HIPK2: variants seen among roughly 807,000 people sequenced by gnomAD.
HIPK2 encodes the protein homeodomain-interacting protein kinase 2.
In HIPK2, 27 loss-of-function variants were observed where a neutral mutation model predicts 113.7. The observed-to-expected ratio is 0.24, with a 90% confidence interval of 0.17 to 0.33. The LOEUF (loss-of-function observed/expected upper bound fraction) is 0.33, where lower values mean the gene tolerates loss of function less well. Among genes scored for constraint, HIPK2 ranks in the 10% least tolerant of loss-of-function variants. The pLI is 1.00. For synonymous variants in HIPK2, 631 were observed against 642.2 expected (o/e 0.98, Z 0.26); for missense variants, 1,257 against 1,588.0 (o/e 0.79, Z 3.54).
chr7:139,744,533 G>GAGCT (rs1796158889), intron 1 of HIPK2, among the ~76,000 whole-genome samples: 1 of 152,196 alleles, frequency 6.6e-6, no homozygotes, highest in South Asian at 2.1e-4. Flanking sequence ...AAAAGCTGAT[G>GAGCT]AGCTGTACAC....
Position 139,568,106 on chromosome 7 carries a change from A to G in HIPK2, c.*4821T>C, listed in dbSNP as rs188097975. On this transcript the variant is annotated 3_prime_UTR_variant, in exon 15 of 15. Transcript: ENST00000406875. ...TGTTTGCCATTCCCAAGGTCCAACC[A>G]AGGGAAATCGTTCTGTCAGCAGTTG... The G allele has an allele frequency of 2.0e-5, 3 of 152,498 alleles. No homozygotes were observed. The highest frequency in any genetic ancestry group is 2.0e-4 in the Admixed American group (3 of 15,308). 9.4% of individuals were successfully genotyped at this position (152,498 alleles called of 1,614,324 possible).
intron 1 of HIPK2, among the ~76,000 whole-genome samples, chr7:139,762,312 T>A (rs915271899): frequency 2.0e-5 from 3 of 152,022 alleles, no homozygotes; most frequent in Non-Finnish European, 2.9e-5. Flanking sequence ...AGAGATGAGG[T>A]GATGGTTTGA....
intron 9 of HIPK2, among the ~76,000 whole-genome samples, chr7:139,606,959 A>T (rs1005950062): frequency 5.3e-5 from 8 of 152,244 alleles, no homozygotes; most frequent in African/African-American, 1.9e-4. Context: ...TGGGAATCAG[A>T]AGAAAATTTT....
intron 2 of HIPK2, among the ~76,000 whole-genome samples, chr7:139,676,200 A>G (rs564184173): frequency 6.6e-6 from 1 of 152,278 alleles, no homozygotes; most frequent in East Asian, 1.9e-4. Flanking sequence ...GCATCTACTC[A>G]TCTCTGCTGA....
intron 1 of HIPK2, among the ~76,000 whole-genome samples, chr7:139,766,229 T>C (rs992032905): frequency 6.6e-6 from 1 of 152,242 alleles, no homozygotes; most frequent in Non-Finnish European, 1.5e-5. Flanking sequence ...ACTACAGGGA[T>C]TCAATGAATT....
chr7:139,710,727 T>C (rs1795037786), intron 2 of HIPK2, among the ~76,000 whole-genome samples: 1 of 152,242 alleles, frequency 6.6e-6, no homozygotes, highest in Non-Finnish European at 1.5e-5. Context: ...CCAAATCTCA[T>C]GTTGAATTGT....
Position 139,563,162 on chromosome 7 carries a change from T to G in HIPK2, c.*9765A>C, listed in dbSNP as rs1797996353. On this transcript the variant is annotated 3_prime_UTR_variant, in exon 15 of 15. Transcript: ENST00000406875. Reference sequence around the variant, plus strand: ...GGGGTGTGCTCTCTGTTCCATTTGTTAGTTACAGGAAGCTACCAAGGATGC... The same window carrying G: ...GGGGTGTGCTCTCTGTTCCATTTGTGAGTTACAGGAAGCTACCAAGGATGC... 1 of 152,342 alleles carries G rather than the reference T, an allele frequency of 6.6e-6. No homozygotes were observed. The highest frequency in any genetic ancestry group is 2.4e-5 in the African/African-American group (1 of 41,428). 9.4% of individuals were successfully genotyped at this position (152,342 alleles called of 1,614,324 possible).
chr7:139,682,843 A>G (rs1794090038), intron 2 of HIPK2, among the ~76,000 whole-genome samples: 1 of 152,212 alleles, frequency 6.6e-6, no homozygotes, highest in African/African-American at 2.4e-5. Context: ...CTAGCTGCTC[A>G]TGAGCTGTGT....
At chr7:139,727,933 T>C (rs933915454) in intron 1 of HIPK2, among the ~76,000 whole-genome samples, 5 of 132,178 alleles carry the variant, frequency 3.8e-5, no homozygotes, top group African/African-American at 1.2e-4. Flanking sequence ...TGGCATTGGC[T>C]AATTTTTTTT....
chr7:139,627,827 G>A (rs1800484066), intron 5 of HIPK2, among the ~76,000 whole-genome samples: 1 of 152,188 alleles, frequency 6.6e-6, no homozygotes, highest in East Asian at 1.9e-4. Flanking sequence ...TTTCTCTGGG[G>A]CACAAAGGTG....
At position 139,565,894 on chromosome 7, in the gene HIPK2, T is replaced by C. The variant is rs1410779420; in HGVS notation, c.*7033A>G. 1 of 152,008 alleles carries C rather than the reference T, an allele frequency of 6.6e-6. No individual in the cohort carries two copies. Among genetic ancestry groups the C allele is most frequent in the South Asian group, 2.1e-4 (1 of 4,828 alleles). 9.4% of individuals were successfully genotyped at this position (152,008 alleles called of 1,614,324 possible). On this transcript the variant is annotated 3_prime_UTR_variant, in exon 15 of 15. Transcript: ENST00000406875. ...TCAAGTGCAGTAAAAAATAGCATTT[T>C]GAAAAAAATATATACCTTTAGTATT...
At position 139,566,929 on chromosome 7, in the gene HIPK2, G is replaced by T. The variant is rs970745839; in HGVS notation, c.*5998C>A. 3 of 152,216 alleles carry T rather than the reference G, an allele frequency of 2.0e-5. No homozygotes were observed. Among genetic ancestry groups the T allele is most frequent in the African/African-American group, 7.2e-5 (3 of 41,462 alleles). The allele number at this position is 152,216 out of a possible 1,614,324, so 9.4% of individuals were successfully genotyped here. A position where few individuals can be genotyped will look rare whatever the true frequency, so the allele number is the denominator to read the frequency against. On this transcript the variant is annotated 3_prime_UTR_variant, in exon 15 of 15. Coordinates refer to ENST00000406875, the MANE Select transcript of HIPK2 (RefSeq NM_022740.5). The surrounding 1 kb of genome is among the most constrained non-coding windows in gnomAD (Gnocchi z 4.1). The stretch of plus-strand genomic sequence containing the variant: ...GTTCTGGGACGGGAGCCCTGCAGGG[G>T]GCACTTCTCTGCAAACTCTCACTGG...
intron 13 of HIPK2, among the ~76,000 whole-genome samples, chr7:139,578,526 G>T (rs140137380): frequency 6.6e-6 from 1 of 152,334 alleles, no homozygotes; most frequent in African/African-American, 2.4e-5. Context: ...AGAGAGAAAG[G>T]TAATGAGTAA....
chr7:139,764,154 A>G (rs1796515890), intron 1 of HIPK2, among the ~76,000 whole-genome samples: 1 of 152,220 alleles, frequency 6.6e-6, no homozygotes, highest in African/African-American at 2.4e-5. Context: ...AAACAGAAAC[A>G]CACATAAAAC....
At chr7:139,673,720 G>A (rs993071367) in intron 2 of HIPK2, among the ~76,000 whole-genome samples, 1 of 151,952 alleles carries the variant, frequency 6.6e-6, no homozygotes, top group African/African-American at 2.4e-5. Context: ...AATTGGCACA[G>A]AGCAAAGCCC....
intron 12 of HIPK2, among the ~76,000 whole-genome samples, chr7:139,584,401 G>C (rs942983084): frequency 1.3e-5 from 2 of 152,204 alleles, no homozygotes; most frequent in Non-Finnish European, 2.9e-5. Context: ...CCCAGAGCTG[G>C]GTACAACCCC....
intron 1 of HIPK2, among the ~76,000 whole-genome samples, chr7:139,725,470 A>G (rs1795548743): frequency 6.6e-6 from 1 of 152,274 alleles, no homozygotes; most frequent in African/African-American, 2.4e-5. Flanking sequence ...GTGCGTTTGC[A>G]TAGTGGCAAT....
At chr7:139,736,539 T>A (rs1005421853) in intron 1 of HIPK2, among the ~76,000 whole-genome samples, 2 of 152,158 alleles carry the variant, frequency 1.3e-5, no homozygotes, top group Admixed American at 1.3e-4. Context: ...TCTGCCCTGA[T>A]TCCCAGGGAG....
intron 1 of HIPK2, among the ~76,000 whole-genome samples, chr7:139,772,113 T>C (rs1796662200): frequency 6.6e-6 from 1 of 152,218 alleles, no homozygotes; most frequent in African/African-American, 2.4e-5. Flanking sequence ...GCTCTGGGGC[T>C]CTATGCCCCT....
Sources: allele counts gnomAD v4.1 joint callset (sites outside exome capture counted in the v4.1 genomes callset), GRCh38; gene constraint gnomAD v4.1.1; non-coding constraint Gnocchi (gnomAD v3.1); transcripts MANE v1.5; gene names NCBI Gene and HGNC (gene_info 2026-07-23, HGNC 2026-07-21).